Variants in RBMS1 observed in about 807,000 individuals in gnomAD.
RBMS1 encodes RNA-binding motif, single-stranded-interacting protein 1.
A neutral mutation model predicts 62.3 loss-of-function variants in RBMS1; 17 were observed. That is an observed-to-expected ratio of 0.27 (90% CI 0.19 to 0.41). The LOEUF is 0.41. Among genes scored for constraint, RBMS1 ranks in the 10% least tolerant of loss-of-function variants. RBMS1 has a pLI of 1.00. For synonymous variants in RBMS1, 172 were observed against 170.0 expected (o/e 1.01, Z -0.09); for missense variants, 334 against 504.5 (o/e 0.66, Z 3.24).
intron 1 of RBMS1, among the ~76,000 whole-genome samples, chr2:160,408,202 C>T (rs1195878923): frequency 6.6e-6 from 1 of 151,974 alleles, no homozygotes; most frequent in East Asian, 1.9e-4. Flanking sequence ...TCCTAAGCAC[C>T]AGCGGCAGCT....
At chr2:160,370,084 G>A (rs1287544529) in intron 1 of RBMS1, among the ~76,000 whole-genome samples, 1 of 152,148 alleles carries the variant, frequency 6.6e-6, no homozygotes, top group East Asian at 1.9e-4. Flanking sequence ...TCCCCTGTGA[G>A]GGAATGAAAT....
chr2:160,311,232 C>CTATCTATCTATCTATATA (rs1381483574), intron 4 of RBMS1, among the ~76,000 whole-genome samples: 2 of 79,252 alleles, frequency 2.5e-5, no homozygotes, highest in African/African-American at 8.8e-5. Context: ...ATCTATCTAT[C>CTATCTATCTATCTATATA]TATATATATA....
At chr2:160,390,536 T>A (rs534325014) in intron 1 of RBMS1, among the ~76,000 whole-genome samples, 106 of 151,532 alleles carry the variant, frequency 7.0e-4, no homozygotes, top group Admixed American at 3.8e-3. Flanking sequence ...ATGAAAAAAA[T>A]TTTTTTTTAA....
chr2:160,302,504 TTTTA>T (rs1198698594), intron 5 of RBMS1: 6 of 151,660 alleles, frequency 4.0e-5, no homozygotes, highest in African/African-American at 9.7e-5. Context: ...CCCTAGAAGA[TTTTA>T]TTTATTTATT....
At chr2:160,406,613 G>C (rs568361116) in intron 1 of RBMS1, among the ~76,000 whole-genome samples, 1 of 152,184 alleles carries the variant, frequency 6.6e-6, no homozygotes, top group Non-Finnish European at 1.5e-5. Context: ...AAACAGACTT[G>C]CACATTTTTT....
intron 1 of RBMS1, among the ~76,000 whole-genome samples, chr2:160,448,284 C>A (rs1683751482): frequency 6.7e-6 from 1 of 148,820 alleles, no homozygotes; most frequent in African/African-American, 2.5e-5. Context: ...ATTAACTCCC[C>A]CTCCCCCTCC....
chr2:160,392,397 G>C (rs965134221), intron 1 of RBMS1, among the ~76,000 whole-genome samples: 14 of 151,408 alleles, frequency 9.2e-5, no homozygotes, highest in Non-Finnish European at 1.8e-4. Flanking sequence ...AGGCAGTGCT[G>C]AGTAATTGTG....
At chr2:160,470,215 A>G (rs1021076506) in intron 1 of RBMS1, among the ~76,000 whole-genome samples, 15 of 152,238 alleles carry the variant, frequency 9.9e-5, no homozygotes, top group Admixed American at 7.2e-4. Flanking sequence ...GATTGTCAGT[A>G]GAAAACAACA....
At chr2:160,398,462 G>A (rs1695258393) in intron 1 of RBMS1, among the ~76,000 whole-genome samples, 1 of 152,072 alleles carries the variant, frequency 6.6e-6, no homozygotes, top group Admixed American at 6.6e-5. Context: ...TCAAGGGAGT[G>A]GTAAAGAAAT....
At position 160,367,207 on chromosome 2, in the gene RBMS1, A is replaced by G. The variant is rs766343887; in HGVS notation, c.251+9T>C. On this transcript the variant is annotated intron_variant, in intron 2 of 13. Coordinates refer to ENST00000348849, the MANE Select transcript of RBMS1 (RefSeq NM_016836.4). ...AGCAGCTAAAATAATAGGAACAACT[A>G]CTACTTACGGTTGACAGAGCTTCAC... 1 of 1,609,848 alleles carries G rather than the reference A, an allele frequency of 6.2e-7. No individual in the cohort carries two copies. Among genetic ancestry groups the G allele is most frequent in the Admixed American group, 1.7e-5 (1 of 60,018 alleles).
At chr2:160,277,086 A>G (rs999144140) in intron 12 of RBMS1, among the ~76,000 whole-genome samples, 15 of 152,106 alleles carry the variant, frequency 9.9e-5, no homozygotes, top group Non-Finnish European at 2.1e-4. Context: ...GGATCTCACT[A>G]TGTTGCCCAG....
chr2:160,432,712 C>T (rs940978109), intron 1 of RBMS1, among the ~76,000 whole-genome samples: 2 of 151,932 alleles, frequency 1.3e-5, no homozygotes, highest in African/African-American at 4.8e-5. Flanking sequence ...GATGTTTGGG[C>T]GGGGAAAAGG....
At chr2:160,446,529 G>A (rs575481599) in intron 1 of RBMS1, among the ~76,000 whole-genome samples, 11 of 152,196 alleles carry the variant, frequency 7.2e-5, no homozygotes, top group African/African-American at 2.2e-4. Flanking sequence ...AGGCCAAAGC[G>A]TTCTCAGCAT....
chr2:160,311,541 C>T (rs1340014418), intron 4 of RBMS1, among the ~76,000 whole-genome samples: 2 of 151,970 alleles, frequency 1.3e-5, no homozygotes, highest in Non-Finnish European at 2.9e-5. Context: ...AAATGCTTCT[C>T]AGGGAACAAT....
intron 1 of RBMS1, chr2:160,408,025 C>T (rs1000610508): frequency 5.9e-6 from 4 of 675,584 alleles, no homozygotes; most frequent in Non-Finnish European, 5.5e-6. Flanking sequence ...GCCCGCCCGG[C>T]CCCCGCGCTC....
chr2:160,410,191 C>T (rs924947639), intron 1 of RBMS1, among the ~76,000 whole-genome samples: 3 of 127,720 alleles, frequency 2.3e-5, no homozygotes, highest in Non-Finnish European at 4.7e-5. Flanking sequence ...CGCTGCACCC[C>T]AGTCTGGGTG....
intron 1 of RBMS1, among the ~76,000 whole-genome samples, chr2:160,451,613 T>C (rs1467875776): frequency 6.6e-6 from 1 of 152,074 alleles, no homozygotes; most frequent in Non-Finnish European, 1.5e-5. Flanking sequence ...TTTATTATTA[T>C]TATTATTATT....
chr2:160,446,940 C>A (rs918269529), intron 1 of RBMS1, among the ~76,000 whole-genome samples: 1 of 152,230 alleles, frequency 6.6e-6, no homozygotes, highest in Non-Finnish European at 1.5e-5. Context: ...AGCTTTCTTG[C>A]CACCTCATGT....
chr2:160,458,251 A>C (rs1269998920), intron 1 of RBMS1, among the ~76,000 whole-genome samples: 2 of 152,188 alleles, frequency 1.3e-5, no homozygotes, highest in Non-Finnish European at 2.9e-5. Flanking sequence ...GGCACCAGCC[A>C]TGGCATCTGG....
Sources: gnomAD v4.1 joint callset for allele counts (sites outside exome capture counted in the v4.1 genomes callset) on GRCh38, gnomAD v4.1.1 for gene constraint, MANE v1.5 for transcripts, NCBI Gene and HGNC (gene_info 2026-07-23, HGNC 2026-07-21) for gene names.